Variants in POLE2 observed in about 807,000 individuals in gnomAD.
POLE2 encodes the protein DNA polymerase epsilon 2, accessory subunit.
POLE2 carries 56 observed loss-of-function variants against 79.4 expected under a neutral mutation model. That is an observed-to-expected ratio of 0.71 (90% CI 0.57 to 0.88). The LOEUF is 0.88. Ranked by LOEUF, POLE2 falls within the 40% of genes least tolerant of loss-of-function variation. The pLI is 0.00. For synonymous variants in POLE2, 212 were observed against 214.0 expected, an observed-to-expected ratio of 0.99 and a Z score of 0.08; for missense variants, 598 against 638.9, an observed-to-expected ratio of 0.94 and a Z score of 0.69.
intron 5 of POLE2, among the ~76,000 whole-genome samples, chr14:49,672,345 G>A (rs150018466): frequency 4.6e-5 from 7 of 152,200 alleles, no homozygotes; most frequent in East Asian, 1.9e-4. Flanking sequence ...ACACTATGTC[G>A]GCAATGGAAG....
At chr14:49,658,605 C>A (rs1004046694) in intron 10 of POLE2, among the ~76,000 whole-genome samples, 1 of 152,262 alleles carries the variant, frequency 6.6e-6, no homozygotes, top group South Asian at 2.1e-4. Context: ...GGCATAAAAA[C>A]GTTTTGGCAA....
At chr14:49,656,300 G>A (rs917980143) in intron 10 of POLE2, among the ~76,000 whole-genome samples, 3 of 150,648 alleles carry the variant, frequency 2.0e-5, no homozygotes, top group East Asian at 3.9e-4. Context: ...AGCCTGCAGT[G>A]AGCCGAGATT....
At chr14:49,661,383 T>C (rs1014615478) in intron 10 of POLE2, among the ~76,000 whole-genome samples, 1 of 152,154 alleles carries the variant, frequency 6.6e-6, no homozygotes, top group Non-Finnish European at 1.5e-5. Context: ...TTTTCAAAGG[T>C]ACAGTAATAA....
intron 15 of POLE2, 75 bp downstream of exon 15, chr14:49,653,915 A>T: frequency 2.4e-6 from 2 of 838,614 alleles, no homozygotes; most frequent in Non-Finnish European, 3.9e-6. Context: ...TGCTGAGATT[A>T]CAGACATGAG....
intron 3 of POLE2, among the ~76,000 whole-genome samples, chr14:49,674,895 T>C (rs1002178027): frequency 1.3e-5 from 2 of 152,022 alleles, no homozygotes; most frequent in Non-Finnish European, 2.9e-5. Flanking sequence ...AAAAATACAA[T>C]GGGTGTAAAA....
chr14:49,675,406 G>A (rs572317232), intron 3 of POLE2, among the ~76,000 whole-genome samples: 2 of 151,286 alleles, frequency 1.3e-5, no homozygotes, highest in Admixed American at 1.3e-4. Flanking sequence ...ATTATTAAAG[G>A]ATATGATTAA....
At chr14:49,662,636 C>T (rs1410011523) in intron 10 of POLE2, among the ~76,000 whole-genome samples, 1 of 152,224 alleles carries the variant, frequency 6.6e-6, no homozygotes, top group African/African-American at 2.4e-5. Flanking sequence ...AGAATTCAGG[C>T]TCTGTATTGC....
chr14:49,661,916 C>T (rs1309284012), intron 10 of POLE2, among the ~76,000 whole-genome samples: 1 of 151,992 alleles, frequency 6.6e-6, no homozygotes, highest in African/African-American at 2.4e-5. Context: ...TTATTTGAAA[C>T]ATTATAATAA....
chr14:49,650,503 C>T (rs1381022118), intron 16 of POLE2, 62 bp from the exon 17 acceptor site: 4 of 1,050,742 alleles, frequency 3.8e-6, no homozygotes, highest in Non-Finnish European at 5.1e-6. Context: ...AATAGCTAAA[C>T]AAATAATTTC....
intron 1 of POLE2, 72 bp downstream of exon 1, chr14:49,688,064 T>C: frequency 7.9e-7 from 1 of 1,263,860 alleles, no homozygotes; most frequent in East Asian, 2.8e-5. Context: ...CCGCGGTGCG[T>C]CCCGCTGCCG....
rs920011907 is a variant in POLE2 at position 49,647,293 on chromosome 14, C to G, written c.1565G>C (p.Ser522Thr). 6.8e-7 allele frequency: 1 copy of G among 1,480,584 alleles called. No individual in the cohort carries two copies. Among genetic ancestry groups the G allele is most frequent in the African/African-American group, 1.4e-5 (1 of 70,932 alleles). The allele number at this position is 1,480,584 out of a possible 1,614,324, so 91.7% of individuals were successfully genotyped here. A position where few individuals can be genotyped will look rare whatever the true frequency, so the allele number is the denominator to read the frequency against. The stretch of plus-strand genomic sequence containing the variant: ...TTGCTGTGTCTGTGCACACACTTAC[C>G]TATCTTCTACTGTCTTATTAGAAGG... Reference protein sequence around the residue: ...FYPSNKTVEDSKLQGF With the variant: ...FYPSNKTVEDTKLQGF Residue 522 changes from serine (S) to threonine (T), a missense_variant and splice_region_variant, in exon 18 of 19, where the codon AGC becomes ACC. Ser to Thr is a moderately conservative substitution (Grantham distance 58). Transcript: ENST00000216367.
chr14:49,660,220 C>T (rs766155393), intron 10 of POLE2, among the ~76,000 whole-genome samples: 3 of 152,192 alleles, frequency 2.0e-5, no homozygotes, highest in Non-Finnish European at 4.4e-5. Flanking sequence ...AGCACAGAAG[C>T]AACAGGCTGT....
chr14:49,674,202 T>C lies in POLE2; in HGVS notation c.338A>G (p.Asn113Ser), dbSNP rs2139671090. Residue 113 changes from asparagine (N) to serine (S), a missense_variant, in exon 5 of 19, where the codon AAC (asparagine) becomes AGC (serine). Physicochemically the swap from Asn to Ser is conservative, Grantham distance 46. Coordinates refer to ENST00000216367, the MANE Select transcript of POLE2 (RefSeq NM_002692.4). Reference protein sequence around the residue: ...RKKFLPLLMTNHPAPNLFGTP... With the variant: ...RKKFLPLLMTSHPAPNLFGTP... ...TCCAAATAAATTTGGTGCAGGGTGG[T>C]TGGTCATTAACAGACTAGAAAAAGA... 5.0e-6 allele frequency: 8 copies of C among 1,611,542 alleles called. No individual in the cohort carries two copies. Among genetic ancestry groups the C allele is most frequent in the South Asian group, 2.2e-5 (2 of 91,030 alleles).
intron 3 of POLE2, among the ~76,000 whole-genome samples, chr14:49,676,873 T>A (rs1376280612): frequency 6.6e-6 from 1 of 152,196 alleles, no homozygotes; most frequent in Non-Finnish European, 1.5e-5. Flanking sequence ...TTACTCTAGA[T>A]GAGAATCATG....
intron 18 of POLE2, among the ~76,000 whole-genome samples, chr14:49,644,239 G>A (rs937654910): frequency 2.7e-5 from 4 of 150,452 alleles, no homozygotes; most frequent in African/African-American, 4.9e-5. Flanking sequence ...AGCCGGGCGC[G>A]GTGGCTCACG....
rs777446690 is a variant in POLE2, at chr14:49,651,277, G to A, written c.1312C>T (p.Pro438Ser). The A allele has an allele frequency of 6.5e-7, 1 of 1,542,972 alleles. No homozygotes were observed. Among genetic ancestry groups the A allele is most frequent in the Admixed American group, 1.7e-5 (1 of 59,398 alleles). ...AAAGTTGTTTCACTTACGTGATTAG[G>A]AATAGCCAAATTGCTGCTAGGAAAA... is the stretch of plus-strand genomic sequence containing the variant. Reference protein sequence around the residue: ...VRFPSSNLAIPNHFVKTILSQ... With the variant: ...VRFPSSNLAISNHFVKTILSQ... The change falls in exon 16 of 19, where the codon CCT becomes TCT. Residue 438 changes from proline to serine, a missense_variant. Coordinates refer to ENST00000216367, the MANE Select transcript of POLE2 (RefSeq NM_002692.4).
intron 3 of POLE2, chr14:49,677,535 G>T: frequency 2.1e-6 from 1 of 483,410 alleles, no homozygotes. Context: ...CCCTGACCCT[G>T]CCGGACTAGG....
chr14:49,661,980 C>T (rs922681359), intron 10 of POLE2, among the ~76,000 whole-genome samples: 1 of 152,296 alleles, frequency 6.6e-6, no homozygotes, highest in Non-Finnish European at 1.5e-5. Context: ...GCCAACTCAA[C>T]TATACCTCTC....
chr14:49,652,597 G>A (rs1247993567), intron 15 of POLE2, among the ~76,000 whole-genome samples: 2 of 152,098 alleles, frequency 1.3e-5, no homozygotes, highest in African/African-American at 2.4e-5. Flanking sequence ...ACAGGAGCAC[G>A]AATCCTGTTG....
Sources: allele counts gnomAD v4.1 joint callset (sites outside exome capture counted in the v4.1 genomes callset), GRCh38; gene constraint gnomAD v4.1.1; transcripts MANE v1.5; gene names NCBI Gene and HGNC (gene_info 2026-07-23, HGNC 2026-07-21).